GET3: variants seen among roughly 807,000 people sequenced by gnomAD.
The protein encoded by GET3 is guided entry of tail-anchored proteins factor 3, ATPase.
Under a neutral mutation model 32.4 loss-of-function variants are expected in GET3, and 15 were observed. The ratio of observed to expected loss-of-function variants is 0.46; its 90% CI spans 0.31 to 0.71. The LOEUF is 0.71. GET3 is among the 30% of genes least tolerant of loss of function. The probability of loss-of-function intolerance (pLI) is 0.05; values close to 1 mark genes in which losing one functional copy is unlikely to be tolerated. For synonymous variants in GET3, 198 were observed against 185.6 expected (o/e 1.07, Z -0.54); for missense variants, 333 against 459.0 (o/e 0.73, Z 2.51).
At position 12,747,114 on chromosome 19, in the gene GET3, G is replaced by A; in HGVS notation, c.610-83G>A. 1 of 1,156,324 alleles carries A rather than the reference G, an allele frequency of 8.6e-7. No homozygotes were observed. The highest frequency in any genetic ancestry group is 1.2e-6 in the Non-Finnish European group (1 of 808,642). 71.6% of individuals were successfully genotyped at this position (1,156,324 alleles called of 1,614,324 possible). On this transcript the variant is annotated intron_variant, in intron 4 of 6. Transcript: ENST00000357332. This position sits in a 1 kb window ranked among gnomAD's most constrained non-coding sequence, Gnocchi z 4.0. Reference sequence around the variant, plus strand: ...CTTTAACCACTGGGAGGTATCAGGAGTCATCCCTCGGGTGTTTAGTGAACC... The same window carrying A: ...CTTTAACCACTGGGAGGTATCAGGAATCATCCCTCGGGTGTTTAGTGAACC...
chr19:12,747,640 T>A lies in GET3; in HGVS notation c.915+48T>A. 2.5e-6 allele frequency: 4 copies of A among 1,578,042 alleles called. No homozygotes were observed. The highest frequency in any genetic ancestry group is 3.4e-6 in the Non-Finnish European group (4 of 1,160,260). ...GGCTCAGCAGAGGCACCTCTGCCCCTTTATTCTCTGATCTTTTGCTCCACC... is the reference window on the plus strand; with the variant it reads ...GGCTCAGCAGAGGCACCTCTGCCCCATTATTCTCTGATCTTTTGCTCCACC... On this transcript the variant is annotated intron_variant, in intron 6 of 6. Transcript: ENST00000357332. This position sits in a 1 kb window ranked among gnomAD's most constrained non-coding sequence, Gnocchi z 4.0.
At position 12,745,519 on chromosome 19, in the gene GET3, T is replaced by G; in HGVS notation, c.452T>G (p.Val151Gly). 1 of 1,612,780 alleles carries G rather than the reference T, an allele frequency of 6.2e-7. No homozygotes were observed. Among genetic ancestry groups the G allele is most frequent in the Non-Finnish European group, 8.5e-7 (1 of 1,179,974 alleles). ...GIDEAMSYAE[V>G]MRLVKGMNFS... is the part of the protein sequence containing the mutation. ...GATGAGGCCATGAGCTATGCCGAGG[T>G]CATGAGGTCAGGCCCAGCCAGCAGG... The change falls in exon 3 of 7, where the codon GTC (valine) becomes GGC (glycine). Residue 151 changes from valine (V) to glycine (G), a missense_variant. Coordinates refer to ENST00000357332, the MANE Select transcript of GET3 (RefSeq NM_004317.4). The surrounding 1 kb of genome is among the most constrained non-coding windows in gnomAD (Gnocchi z 5.0).
At position 12,737,610 on chromosome 19, in the gene GET3, C is replaced by T. The variant is rs777727656; in HGVS notation, c.105C>T (p.Arg35=). 1 of 1,611,736 alleles carries T rather than the reference C, an allele frequency of 6.2e-7. No homozygotes were observed. The highest frequency in any genetic ancestry group is 8.5e-7 in the Non-Finnish European group (1 of 1,179,194). ...CACTTAGCAACATCATCGAGCAGCG[C>T]AGCCTGAAGTGGATCTTCGTCGGGG... ...EPTLSNIIEQ[R]SLKWIFVGGK... Residue 35 remains arginine, a synonymous_variant, in exon 1 of 7, where the codon CGC becomes CGT. Coordinates refer to ENST00000357332, the MANE Select transcript of GET3 (RefSeq NM_004317.4).
At chr19:12,746,737 C>T (rs1251569815) in intron 4 of GET3, among the ~76,000 whole-genome samples, 1 of 152,134 alleles carries the variant, frequency 6.6e-6, no homozygotes, top group Non-Finnish European at 1.5e-5. Flanking sequence ...AGGCCGGCCG[C>T]AGTGGCTCAT....
chr19:12,737,244 C>T (rs1967585569), upstream of GET3: 1 of 359,316 alleles, frequency 2.8e-6, no homozygotes, highest in Non-Finnish European at 4.9e-6. Context: ...AGACCTAGGG[C>T]CCAATCAGTG....
In GET3 at chr19:12,745,736, C is replaced by A. The variant is rs763164550; in HGVS notation, c.586C>A (p.Gln196Lys). 6.2e-7 allele frequency: 1 copy of A among 1,610,814 alleles called. No individual in the cohort carries two copies. The highest frequency in any genetic ancestry group is 8.5e-7 in the Non-Finnish European group (1 of 1,179,048). The change falls in exon 4 of 7, where the codon CAG (glutamine) becomes AAG (lysine). Residue 196 changes from glutamine to lysine, a missense_variant. By Grantham distance (53) the Gln-to-Lys change is moderately conservative. Coordinates refer to ENST00000357332, the MANE Select transcript of GET3 (RefSeq NM_004317.4). This position sits in a 1 kb window ranked among gnomAD's most constrained non-coding sequence, Gnocchi z 5.0. Reference sequence around the variant, plus strand: ...GGGCCGGCTTATGCAGATCAAGAACCAGATCAGCCCTTTCATCTCACAGGC... The same window carrying A: ...GGGCCGGCTTATGCAGATCAAGAACAAGATCAGCCCTTTCATCTCACAGGC... ...GLGRLMQIKNQISPFISQMCN... is the reference protein window; with the variant it reads ...GLGRLMQIKNKISPFISQMCN...
Position 12,748,163 on chromosome 19 carries a change from C to T in GET3, c.*59C>T. 1.3e-6 allele frequency: 2 copies of T among 1,492,108 alleles called. No homozygotes were observed. The highest frequency in any genetic ancestry group is 1.8e-6 in the Non-Finnish European group (2 of 1,112,684). The allele number at this position is 1,492,108 out of a possible 1,614,324, so 92.4% of individuals were successfully genotyped here. On this transcript the variant is annotated 3_prime_UTR_variant, in exon 7 of 7. Coordinates refer to ENST00000357332, the MANE Select transcript of GET3 (RefSeq NM_004317.4). The stretch of plus-strand genomic sequence containing the variant: ...ACTCACCCTCCACCCTCCCCACCCC[C>T]TCGGGGCAGAGTTTGCACAAAGTCC...
At chr19:12,737,745 C>T (rs1313699592) in intron 1 of GET3, 79 bp downstream of exon 1, 4 of 1,496,486 alleles carry the variant, frequency 2.7e-6, no homozygotes, top group Non-Finnish European at 3.5e-6. Context: ...CCGGCTTTTC[C>T]ACCACGACCG....
At position 12,748,199 on chromosome 19, in the gene GET3, A is replaced by C; in HGVS notation, c.*95A>C. The stretch of plus-strand genomic sequence containing the variant: ...GTTTGCACAAAGTCCCCCCCATAAT[A>C]CAGGGGGAGCCACTTGGGCAGGAGG... On this transcript the variant is annotated 3_prime_UTR_variant, in exon 7 of 7. Coordinates refer to ENST00000357332, the MANE Select transcript of GET3 (RefSeq NM_004317.4). 2.9e-5 allele frequency: 34 copies of C among 1,162,116 alleles called. No homozygotes were observed. The highest frequency in any genetic ancestry group is 3.7e-5 in the Non-Finnish European group (32 of 865,920). 72.0% of individuals were successfully genotyped at this position (1,162,116 alleles called of 1,614,324 possible).
chr19:12,737,764 G>A (rs898291898), intron 1 of GET3, 98 bp downstream of exon 1: 9 of 1,433,378 alleles, frequency 6.3e-6, no homozygotes, highest in East Asian at 5.4e-5. Context: ...CGGGGCATGG[G>A]GGCTGGCGGG....
chr19:12,748,141 C>A lies in GET3; in HGVS notation c.*37C>A. The stretch of plus-strand genomic sequence containing the variant: ...GCCCCAACCGCTGCCATTTCACACT[C>A]ACCCTCCACCCTCCCCACCCCCTCG... On this transcript the variant is annotated 3_prime_UTR_variant, in exon 7 of 7. Transcript: ENST00000357332. The A allele has an allele frequency of 6.5e-7, 1 of 1,541,404 alleles. No individual in the cohort carries two copies. The highest frequency in any genetic ancestry group is 1.2e-5 in the South Asian group (1 of 82,240).
chr19:12,737,767 C>A (rs1316701953), intron 1 of GET3, 101 bp downstream of exon 1: 55 of 1,427,012 alleles, frequency 3.9e-5, no homozygotes, highest in Admixed American at 6.0e-5. Context: ...GGCATGGGGG[C>A]TGGCGGGGGT....
At chr19:12,742,736 G>C (rs1245327886) in intron 2 of GET3, among the ~76,000 whole-genome samples, 1 of 151,992 alleles carries the variant, frequency 6.6e-6, no homozygotes, top group Non-Finnish European at 1.5e-5. Flanking sequence ...TAGTAGAGAC[G>C]GGGTTTCAAC....
chr19:12,745,763 G>C lies in GET3; in HGVS notation c.609+4G>C. On this transcript the variant is annotated splice_donor_region_variant and intron_variant, in intron 4 of 6. Transcript: ENST00000357332. The surrounding 1 kb of genome is among the most constrained non-coding windows in gnomAD (Gnocchi z 5.0). ...GATCAGCCCTTTCATCTCACAGGCA[G>C]GCGGCGGGGGCCCCCACCTGCACCA... 10 of 1,600,346 alleles carry C rather than the reference G, an allele frequency of 6.2e-6. No homozygotes were observed. Among genetic ancestry groups the C allele is most frequent in the Non-Finnish European group, 8.5e-6 (10 of 1,174,172 alleles).
chr19:12,745,000 G>T (rs1041605827), intron 2 of GET3, among the ~76,000 whole-genome samples: 2 of 152,078 alleles, frequency 1.3e-5, no homozygotes, highest in Non-Finnish European at 2.9e-5. Context: ...TGGTCAGGGA[G>T]TCTCTCAGTG....
chr19:12,747,439 C>G lies in GET3; in HGVS notation c.762C>G (p.Ser254=). Residue 254 remains serine, a synonymous_variant, in exon 6 of 7, where the codon TCC becomes TCG. Transcript: ENST00000357332. This position sits in a 1 kb window ranked among gnomAD's most constrained non-coding sequence, Gnocchi z 4.0. The part of the protein sequence containing the change: ...FICVCIAEFL[S]LYETERLIQE... ...GCGTATGCATTGCTGAGTTCCTGTC[C>G]CTGTATGAGACAGAGAGGCTGATCC... The G allele has an allele frequency of 1.2e-6, 2 of 1,614,070 alleles. No individual in the cohort carries two copies. Among genetic ancestry groups the G allele is most frequent in the South Asian group, 1.1e-5 (1 of 91,080 alleles).
intron 2 of GET3, among the ~76,000 whole-genome samples, chr19:12,742,970 G>A (rs1381816980): frequency 6.6e-6 from 1 of 152,192 alleles, no homozygotes; most frequent in African/African-American, 2.4e-5. Context: ...CTGGATAAGG[G>A]TGCCAGCCAA....
rs374598955 is a variant in GET3, at chr19:12,743,690, T to C, written c.310-1687T>C. ...CTGTAGTCCCAGCTACTCACTGCAC[T>C]CCAGCCTGGGTGACAGAGCGAGACT... On this transcript the variant is annotated intron_variant, in intron 2 of 6. Coordinates refer to ENST00000357332, the MANE Select transcript of GET3 (RefSeq NM_004317.4). Among the ~76,000 whole-genome samples the C allele has an allele frequency of 7.0e-3, 968 of 137,406 alleles. 8 individuals carry two copies. Among genetic ancestry groups the C allele is most frequent in the Non-Finnish European group, 0.01 (650 of 63,594 alleles). The allele number at this position is 137,406 out of a possible 152,430, so 90.1% of individuals were successfully genotyped here.
Position 12,737,724 on chromosome 19 carries a change from G to A in GET3, c.161+58G>A, listed in dbSNP as rs573825523. 1.0e-5 allele frequency: 16 copies of A among 1,531,284 alleles called. No homozygotes were observed. The East Asian group carries it at 3.4e-4, about 33-fold the overall frequency. 94.9% of individuals were successfully genotyped at this position (1,531,284 alleles called of 1,614,324 possible). A position where few individuals can be genotyped will look rare whatever the true frequency, so the allele number is the denominator to read the frequency against. On this transcript the variant is annotated intron_variant, in intron 1 of 6. Coordinates refer to ENST00000357332, the MANE Select transcript of GET3 (RefSeq NM_004317.4). ...GTAGGATATACCACTGGGCGAAGGGGAGGCCAAGGACCGGCTTTTCCACCA... is the reference window on the plus strand; with the variant it reads ...GTAGGATATACCACTGGGCGAAGGGAAGGCCAAGGACCGGCTTTTCCACCA...
Sources: gnomAD v4.1 joint callset for allele counts (sites outside exome capture counted in the v4.1 genomes callset) on GRCh38, gnomAD v4.1.1 for gene constraint, Gnocchi (gnomAD v3.1) non-coding constraint, MANE v1.5 for transcripts, NCBI Gene and HGNC (gene_info 2026-07-23, HGNC 2026-07-21) for gene names.